Variants in PKP2 observed in about 807,000 individuals in gnomAD.
The protein encoded by PKP2 is plakophilin-2.
PKP2 carries 73 observed loss-of-function variants against 83.4 expected under a neutral mutation model. The observed-to-expected ratio is 0.88, with a 90% CI of 0.72 to 1.06. The LOEUF (loss-of-function observed/expected upper bound fraction) is 1.06, where lower values mean the gene tolerates loss of function less well. Among genes scored for constraint, PKP2 ranks in the 50% least tolerant of loss-of-function variants. The pLI is 0.00. For synonymous variants in PKP2, 409 were observed against 430.4 expected, an observed-to-expected ratio of 0.95 and a Z score of 0.62; for missense variants, 966 against 1,065.4, an observed-to-expected ratio of 0.91 and a Z score of 1.30.
chr12:32,870,852 C>T (rs1956890376), intron 3 of PKP2, among the ~76,000 whole-genome samples: 1 of 152,176 alleles, frequency 6.6e-6, no homozygotes, highest in South Asian at 2.1e-4. Context: ...TTTCCCATCT[C>T]TAACACCCAC....
intron 5 of PKP2, among the ~76,000 whole-genome samples, chr12:32,845,360 G>A (rs539245767): frequency 1.0e-3 from 159 of 152,160 alleles, no homozygotes; most frequent in African/African-American, 3.6e-3. Flanking sequence ...GACCATCCTG[G>A]CTAACATGGT....
In PKP2 at chr12:32,878,388, G is replaced by T. The variant is rs747582030; in HGVS notation, c.492C>A (p.Ser164Arg). 7 of 1,613,828 alleles carry T rather than the reference G, an allele frequency of 4.3e-6. No individual in the cohort carries two copies. The highest frequency in any genetic ancestry group is 5.9e-6 in the Non-Finnish European group (7 of 1,179,976). Residue 164 changes from serine (S) to arginine (R), a missense_variant, in exon 3 of 13, where the codon AGC (serine) becomes AGA (arginine). Physicochemically the swap from Ser to Arg is moderately radical, Grantham distance 110 (BLOSUM62 -1). Transcript: ENST00000340811. Reference sequence around the variant, plus strand: ...GGCTTCTCTGGCTGTACTGGTAATCGCTGTGCGTGTAGTGAGCCCTCTCCG... The same window carrying T: ...GGCTTCTCTGGCTGTACTGGTAATCTCTGTGCGTGTAGTGAGCCCTCTCCG... ...SSPERAHYTH[S>R]DYQYSQRSQA...
At chr12:32,852,811 C>T (rs1266552999) in intron 4 of PKP2, among the ~76,000 whole-genome samples, 1 of 152,008 alleles carries the variant, frequency 6.6e-6, no homozygotes, top group Non-Finnish European at 1.5e-5. Context: ...TGGCCGGGCA[C>T]GGTGGCTTAT....
At chr12:32,881,483 A>C (rs1051312812) in intron 1 of PKP2, among the ~76,000 whole-genome samples, 7 of 152,158 alleles carry the variant, frequency 4.6e-5, no homozygotes, top group African/African-American at 1.7e-4. Context: ...GCTGAACTCC[A>C]ACCTCTGAGC....
chr12:32,844,335 T>C (rs1242296122), intron 5 of PKP2, among the ~76,000 whole-genome samples: 1 of 151,890 alleles, frequency 6.6e-6, no homozygotes, highest in African/African-American at 2.4e-5. Context: ...ACTGGGAAAA[T>C]ATGTACAATA....
chr12:32,824,693 A>G (rs1346853136), intron 6 of PKP2, among the ~76,000 whole-genome samples: 2 of 152,214 alleles, frequency 1.3e-5, no homozygotes. Context: ...AAATGCGATT[A>G]TTTTATCATT....
At chr12:32,818,076 A>G (rs1956336711) in intron 9 of PKP2, among the ~76,000 whole-genome samples, 1 of 152,230 alleles carries the variant, frequency 6.6e-6, no homozygotes, top group Non-Finnish European at 1.5e-5. Flanking sequence ...ACTGTCTTCC[A>G]TGAAACCAGT....
intron 5 of PKP2, among the ~76,000 whole-genome samples, chr12:32,847,020 CCT>C (rs1192710373): frequency 6.6e-6 from 1 of 152,000 alleles, no homozygotes; most frequent in East Asian, 1.9e-4. Flanking sequence ...TATGCTTTCA[CCT>C]CTTACGGAGT....
At chr12:32,800,714 C>T (rs1036785413) in intron 10 of PKP2, among the ~76,000 whole-genome samples, 33 of 152,156 alleles carry the variant, frequency 2.2e-4, no homozygotes, top group African/African-American at 7.7e-4. Flanking sequence ...TCAGTGGATG[C>T]TATTATCAGA....
At chr12:32,866,941 T>C (rs758771411) in intron 4 of PKP2, among the ~76,000 whole-genome samples, 1 of 152,316 alleles carries the variant, frequency 6.6e-6, no homozygotes, top group South Asian at 2.1e-4. Context: ...TCAAAAGACT[T>C]ACTCTGAGTA....
intron 9 of PKP2, among the ~76,000 whole-genome samples, chr12:32,802,783 A>G (rs1422969582): frequency 3.3e-5 from 5 of 151,842 alleles, no homozygotes; most frequent in Non-Finnish European, 7.4e-5. Context: ...CTCAGCCTCC[A>G]GACTAGCTGG....
At chr12:32,800,953 C>T (rs1380003542) in intron 10 of PKP2, among the ~76,000 whole-genome samples, 1 of 152,182 alleles carries the variant, frequency 6.6e-6, no homozygotes, top group Non-Finnish European at 1.5e-5. Flanking sequence ...AGTTACCTGG[C>T]TTAGAAAGCT....
chr12:32,843,001 A>T (rs1565587689), intron 5 of PKP2, among the ~76,000 whole-genome samples: 1 of 146,518 alleles, frequency 6.8e-6, no homozygotes, highest in Non-Finnish European at 1.5e-5. Context: ...TTTTTTTGAG[A>T]CAGAGTCTCA....
intron 5 of PKP2, among the ~76,000 whole-genome samples, chr12:32,850,557 T>C (rs1442550816): frequency 2.7e-5 from 4 of 150,596 alleles, no homozygotes; most frequent in Non-Finnish European, 4.4e-5. Flanking sequence ...TAGAGCAAGA[T>C]TCTGTCTCAA....
intron 5 of PKP2, among the ~76,000 whole-genome samples, chr12:32,844,531 C>T (rs1956629399): frequency 1.3e-5 from 2 of 152,216 alleles, no homozygotes; most frequent in South Asian, 4.1e-4. Context: ...ATATCATTTT[C>T]CATGACTAGA....
chr12:32,838,480 T>TA (rs1956561920), intron 6 of PKP2, among the ~76,000 whole-genome samples: 1 of 113,600 alleles, frequency 8.8e-6, no homozygotes, highest in Non-Finnish European at 2.2e-5. Flanking sequence ...GAATCGAAAA[T>TA]TAAAAAAAAA....
At chr12:32,888,825 CTG>C (rs1957054228) in intron 1 of PKP2, among the ~76,000 whole-genome samples, 1 of 139,388 alleles carries the variant, frequency 7.2e-6, no homozygotes, top group Non-Finnish European at 1.5e-5. Flanking sequence ...CAGGGTCACT[CTG>C]TTGCCCAGGC....
At chr12:32,870,136 A>G (rs1381556954) in intron 3 of PKP2, among the ~76,000 whole-genome samples, 1 of 152,236 alleles carries the variant, frequency 6.6e-6, no homozygotes, top group African/African-American at 2.4e-5. Flanking sequence ...GTAACATTCC[A>G]GACACATTCA....
intron 6 of PKP2, chr12:32,824,416 C>T (rs1956413762): frequency 2.1e-6 from 1 of 473,394 alleles, no homozygotes; most frequent in Non-Finnish European, 3.8e-6. Flanking sequence ...ATGATCAAAA[C>T]ATTATTTACT....
Sources: gnomAD v4.1 joint callset for allele counts (sites outside exome capture counted in the v4.1 genomes callset) on GRCh38, gnomAD v4.1.1 for gene constraint, MANE v1.5 for transcripts, NCBI Gene and HGNC (gene_info 2026-07-23, HGNC 2026-07-21) for gene names.